Variants in BTC observed in about 807,000 individuals in gnomAD.
BTC encodes the protein probetacellulin.
A neutral mutation model predicts 18.1 loss-of-function variants in BTC; 13 were observed. The ratio of observed to expected loss-of-function variants is 0.72; its 90% CI spans 0.47 to 1.14. BTC has a LOEUF of 1.14. BTC is among the 50% of genes most tolerant of loss of function. The pLI is 0.00. For missense variants in BTC, 247 were observed against 224.2 expected (o/e 1.10, Z -0.65); for synonymous variants, 83 against 79.4 (o/e 1.05, Z -0.24).
chr4:74,752,601 A>T (rs527692263), intron 3 of BTC, among the ~76,000 whole-genome samples: 9 of 152,120 alleles, frequency 5.9e-5, no homozygotes, highest in Non-Finnish European at 1.2e-4. Flanking sequence ...GGATGGTCTC[A>T]ATCTCTTGAC....
intron 3 of BTC, among the ~76,000 whole-genome samples, chr4:74,753,824 A>T (rs1337755244): frequency 1.1e-5 from 1 of 92,536 alleles, no homozygotes; most frequent in Non-Finnish European, 2.5e-5. Flanking sequence ...CTCTCCAAAA[A>T]AAGAAAAAAA....
chr4:74,750,604 T>C lies in BTC; in HGVS notation c.397A>G (p.Ile133Val), dbSNP rs147863664. 8.6e-4 allele frequency: 1,381 copies of C among 1,613,636 alleles called. 14 individuals carry two copies. Among genetic ancestry groups the C allele is most frequent in the Non-Finnish European group, 2.1e-4 (251 of 1,179,844 alleles). The change falls in exon 4 of 6, where the codon ATT becomes GTT. Residue 133 changes from isoleucine (I) to valine (V), a missense_variant. Ile to Val is a conservative substitution (Grantham distance 29). Transcript: ENST00000395743. Reference sequence around the variant, plus strand: ...CATGTGCAGACACCGATGACCAAAATAATAAAAACTACCATAACTGCTATC... The same window carrying C: ...CATGTGCAGACACCGATGACCAAAACAATAAAAACTACCATAACTGCTATC... Reference protein sequence around the residue: ...CLIAVMVVFIILVIGVCTCCH... With the variant: ...CLIAVMVVFIVLVIGVCTCCH...
At chr4:74,777,619 G>A (rs1430217566) in intron 1 of BTC, among the ~76,000 whole-genome samples, 1 of 151,940 alleles carries the variant, frequency 6.6e-6, no homozygotes, top group African/African-American at 2.4e-5. Context: ...TCTAATTTTT[G>A]GAAGAAATTT....
chr4:74,785,066 TG>T (rs1725443978), intron 1 of BTC, among the ~76,000 whole-genome samples: 2 of 152,158 alleles, frequency 1.3e-5, no homozygotes, highest in Non-Finnish European at 2.9e-5. Context: ...GGGCTTTTTT[TG>T]GTTGGTAGGC....
chr4:74,753,740 C>T (rs1724523194), intron 3 of BTC, among the ~76,000 whole-genome samples: 1 of 151,954 alleles, frequency 6.6e-6, no homozygotes, highest in Non-Finnish European at 1.5e-5. Flanking sequence ...CTCATAGCTT[C>T]TTGGGAGGAT....
chr4:74,759,338 C>T (rs1724687825), intron 2 of BTC, among the ~76,000 whole-genome samples: 1 of 152,112 alleles, frequency 6.6e-6, no homozygotes, highest in Non-Finnish European at 1.5e-5. Context: ...CCCTCTGGTC[C>T]TAGAGGTGGT....
intron 4 of BTC, among the ~76,000 whole-genome samples, chr4:74,750,191 A>C (rs1211430095): frequency 6.6e-6 from 1 of 152,202 alleles, no homozygotes; most frequent in Non-Finnish European, 1.5e-5. Flanking sequence ...TCTGGTATAT[A>C]ATAGAAAGTA....
chr4:74,793,578 A>AT (rs1337223518), intron 1 of BTC, among the ~76,000 whole-genome samples: 6 of 152,058 alleles, frequency 3.9e-5, no homozygotes, highest in African/African-American at 1.4e-4. Flanking sequence ...AAGAGTTGGG[A>AT]TTTTTTCCTA....
intron 1 of BTC, among the ~76,000 whole-genome samples, chr4:74,786,147 G>A (rs1184327597): frequency 6.6e-6 from 1 of 152,214 alleles, no homozygotes; most frequent in East Asian, 1.9e-4. Context: ...GACCAGTTGA[G>A]TGTCAGAAAC....
Position 74,752,160 on chromosome 4 carries a change from C to T in BTC, c.282-1441G>A, listed in dbSNP as rs144630788. Among the ~76,000 whole-genome samples the T allele has an allele frequency of 2.3e-3, 344 of 152,190 alleles. 1 individual carries two copies. Among genetic ancestry groups the T allele is most frequent in the African/African-American group, 7.3e-3 (305 of 41,518 alleles). On this transcript the variant is annotated intron_variant, in intron 3 of 5. Transcript: ENST00000395743. ...ACAAAAAAACAAGCTCAGTAACAGCCATCACTTGAAAGGTGAGGCTTAATG... is the reference window on the plus strand; with the variant it reads ...ACAAAAAAACAAGCTCAGTAACAGCTATCACTTGAAAGGTGAGGCTTAATG...
intron 1 of BTC, among the ~76,000 whole-genome samples, chr4:74,791,590 A>G (rs908445772): frequency 6.6e-6 from 1 of 152,144 alleles, no homozygotes; most frequent in African/African-American, 2.4e-5. Context: ...CTTATGGTAT[A>G]CCTTCTTTTT....
At chr4:74,775,443 T>C (rs1424698615) in intron 1 of BTC, among the ~76,000 whole-genome samples, 1 of 152,100 alleles carries the variant, frequency 6.6e-6, no homozygotes, top group African/African-American at 2.4e-5. Context: ...CACAGTAAGA[T>C]TTCCACTCAA....
At chr4:74,758,610 G>C (rs1724665954) in intron 2 of BTC, among the ~76,000 whole-genome samples, 1 of 152,142 alleles carries the variant, frequency 6.6e-6, no homozygotes, top group African/African-American at 2.4e-5. Flanking sequence ...TCTAGTTGCT[G>C]TGCCCCTTTA....
intron 2 of BTC, among the ~76,000 whole-genome samples, chr4:74,765,246 T>C (rs1052839080): frequency 6.6e-6 from 1 of 151,150 alleles, no homozygotes; most frequent in Non-Finnish European, 1.5e-5. Flanking sequence ...AGGAGAACAA[T>C]ACATGAACAA....
chr4:74,784,118 G>A (rs1192676786), intron 1 of BTC, among the ~76,000 whole-genome samples: 1 of 151,718 alleles, frequency 6.6e-6, no homozygotes, highest in Admixed American at 6.6e-5. Context: ...TATAATCCCA[G>A]CTACTCTGGA....
At chr4:74,750,345 T>C (rs371798102) in intron 4 of BTC, among the ~76,000 whole-genome samples, 3 of 152,204 alleles carry the variant, frequency 2.0e-5, no homozygotes, top group African/African-American at 7.2e-5. Flanking sequence ...TAGCCTACTA[T>C]ACAAATTTTA....
At chr4:74,757,124 G>A (rs1286361603) in intron 2 of BTC, among the ~76,000 whole-genome samples, 2 of 152,158 alleles carry the variant, frequency 1.3e-5, no homozygotes, top group African/African-American at 4.8e-5. Flanking sequence ...CATGTCAGAA[G>A]AGCATGTCAC....
chr4:74,786,067 T>C (rs924999015), intron 1 of BTC, among the ~76,000 whole-genome samples: 1 of 152,224 alleles, frequency 6.6e-6, no homozygotes, highest in Non-Finnish European at 1.5e-5. Context: ...ACTATGTTGA[T>C]ATTCTATAGA....
intron 1 of BTC, among the ~76,000 whole-genome samples, chr4:74,775,007 C>T (rs1483503582): frequency 2.0e-5 from 3 of 151,928 alleles, no homozygotes. Context: ...CTGGGATGAC[C>T]CCAGAGTTTA....
Sources: gnomAD v4.1 joint callset for allele counts (sites outside exome capture counted in the v4.1 genomes callset) on GRCh38, gnomAD v4.1.1 for gene constraint, MANE v1.5 for transcripts, NCBI Gene and HGNC (gene_info 2026-07-23, HGNC 2026-07-21) for gene names.